The following GYS2 variants were observed in gnomAD, a reference collection of about 807,000 sequenced individuals.
GYS2 encodes glycogen [starch] synthase, liver.
In GYS2, 80 loss-of-function variants were observed where a neutral mutation model predicts 85.6. The ratio of observed to expected loss-of-function variants is 0.93; its 90% CI spans 0.78 to 1.13. The LOEUF (loss-of-function observed/expected upper bound fraction) is 1.13. Ranked by LOEUF, GYS2 falls within the 50% of genes most tolerant of loss-of-function variation. The pLI is 0.00. For missense variants in GYS2, 881 were observed against 854.9 expected (o/e 1.03, Z -0.38); for synonymous variants, 328 against 300.7 (o/e 1.09, Z -0.94).
intron 2 of GYS2, among the ~76,000 whole-genome samples, chr12:21,577,302 C>G (rs1363469856): frequency 1.3e-5 from 2 of 152,150 alleles, no homozygotes; most frequent in Admixed American, 1.3e-4. Flanking sequence ...ATAATATTTA[C>G]TGACTGCCTA....
intron 11 of GYS2, among the ~76,000 whole-genome samples, chr12:21,549,397 CAA>C (rs946601215): frequency 2.0e-4 from 30 of 152,284 alleles, no homozygotes; most frequent in African/African-American, 6.0e-4. Context: ...AATACACAAA[CAA>C]GAGCATTCTT....
intron 7 of GYS2, 117 bp from the exon 8 acceptor site, chr12:21,560,609 T>A (rs185683847): frequency 1.2e-4 from 83 of 691,346 alleles, no homozygotes; most frequent in Admixed American, 4.8e-4. Flanking sequence ...AAAGGTATAG[T>A]TATTTATGTT....
chr12:21,583,184 TG>T (rs1356269337), intron 1 of GYS2, among the ~76,000 whole-genome samples: 2 of 151,986 alleles, frequency 1.3e-5, no homozygotes, highest in Admixed American at 1.3e-4. Flanking sequence ...CTGGATTTAT[TG>T]ATGAGACATT....
In GYS2 at chr12:21,563,013, T is replaced by A. The variant is rs751691064; in HGVS notation, c.967A>T (p.Thr323Ser). ...YGHLDFDLEK[T>S]LFLFIAGRYE... is the part of the protein sequence containing the mutation. ...CTCCCAGCAATGAAAAGGAACAAAG[T>A]CTTTTCAAGATCAAAGTCGAGATGA... The change falls in exon 7 of 16, where the codon ACT becomes TCT. Residue 323 changes from threonine to serine, a missense_variant. Physicochemically the swap from Thr to Ser is moderately conservative, Grantham distance 58. Coordinates refer to ENST00000261195, the MANE Select transcript of GYS2 (RefSeq NM_021957.4). 1 of 1,612,302 alleles carries A rather than the reference T, an allele frequency of 6.2e-7. No individual in the cohort carries two copies. The highest frequency in any genetic ancestry group is 2.2e-5 in the East Asian group (1 of 44,806).
chr12:21,574,450 A>G (rs1030448198), intron 3 of GYS2, 124 bp from the exon 4 acceptor site: 3 of 710,370 alleles, frequency 4.2e-6, no homozygotes, highest in African/African-American at 1.8e-5. Context: ...GAGTCGAAAC[A>G]TAAAGCATGA....
At chr12:21,590,670 C>A (rs1385576583) in intron 1 of GYS2, among the ~76,000 whole-genome samples, 1 of 152,102 alleles carries the variant, frequency 6.6e-6, no homozygotes, top group Admixed American at 6.5e-5. Flanking sequence ...GCCTGAAGGC[C>A]AAAGAATCAA....
chr12:21,534,631 G>T (rs545928628), downstream of GYS2, among the ~76,000 whole-genome samples: 1 of 151,804 alleles, frequency 6.6e-6, no homozygotes, highest in Non-Finnish European at 1.5e-5. Flanking sequence ...AAAAAAGAGA[G>T]AAAGAAAGAA....
intron 2 of GYS2, among the ~76,000 whole-genome samples, chr12:21,578,215 T>C (rs1944468094): frequency 6.6e-6 from 1 of 152,206 alleles, no homozygotes; most frequent in Non-Finnish European, 1.5e-5. Context: ...TAACCCTCCA[T>C]TTTGTCCTAC....
Position 21,536,626 on chromosome 12 carries a change from A to T in GYS2, c.*328T>A. Reference sequence around the variant, plus strand: ...CTGCATAAATAGTAAGCAAAGGATTATGATGATCATTTAAAAATAAACAGA... The same window carrying T: ...CTGCATAAATAGTAAGCAAAGGATTTTGATGATCATTTAAAAATAAACAGA... On this transcript the variant is annotated 3_prime_UTR_variant, in exon 16 of 16. Transcript: ENST00000261195. The T allele has an allele frequency of 2.8e-6, 1 of 354,474 alleles. No homozygotes were observed. The highest frequency in any genetic ancestry group is 5.3e-6 in the Non-Finnish European group (1 of 188,560). 22.0% of individuals were successfully genotyped at this position (354,474 alleles called of 1,614,324 possible). A position where few individuals can be genotyped will look rare whatever the true frequency, so the allele number is the denominator to read the frequency against.
At chr12:21,550,058 G>A (rs1158295075) in intron 11 of GYS2, among the ~76,000 whole-genome samples, 1 of 151,882 alleles carries the variant, frequency 6.6e-6, no homozygotes, top group Non-Finnish European at 1.5e-5. Context: ...TTGGCCAGTG[G>A]GAGCTCCTTC....
chr12:21,541,558 G>A (rs1042438543), intron 13 of GYS2, among the ~76,000 whole-genome samples: 1 of 152,060 alleles, frequency 6.6e-6, no homozygotes, highest in Non-Finnish European at 1.5e-5. Context: ...GGCAGCAGAA[G>A]GGATCAAAAT....
At chr12:21,582,624 TATAGATA>T (rs952141364) in intron 1 of GYS2, among the ~76,000 whole-genome samples, 18 of 151,392 alleles carry the variant, frequency 1.2e-4, no homozygotes, top group Non-Finnish European at 2.4e-4. Context: ...TAGATATAGA[TATAGATA>T]TAGATATATA....
intron 1 of GYS2, among the ~76,000 whole-genome samples, chr12:21,599,498 T>G (rs1348319947): frequency 6.6e-6 from 1 of 152,092 alleles, no homozygotes; most frequent in Non-Finnish European, 1.5e-5. Flanking sequence ...TCCAAATATT[T>G]TATATGAAAG....
intron 1 of GYS2, among the ~76,000 whole-genome samples, chr12:21,588,914 C>A (rs1410768278): frequency 1.3e-5 from 2 of 152,202 alleles, no homozygotes; most frequent in Non-Finnish European, 2.9e-5. Flanking sequence ...GTGTGGGAGT[C>A]ACATCTTAGC....
At chr12:21,552,558 T>C (rs1944125211) in intron 11 of GYS2, among the ~76,000 whole-genome samples, 2 of 152,228 alleles carry the variant, frequency 1.3e-5, no homozygotes, top group South Asian at 4.1e-4. Flanking sequence ...TCTGCATTGA[T>C]GGGAGTTTCT....
At chr12:21,600,698 T>G (rs1944746536) in intron 1 of GYS2, among the ~76,000 whole-genome samples, 1 of 152,174 alleles carries the variant, frequency 6.6e-6, no homozygotes, top group Non-Finnish European at 1.5e-5. Flanking sequence ...AAAGTACTTC[T>G]ATATACGTGC....
rs551562381 is a variant in GYS2 at position 21,543,236 on chromosome 12, C to G, written c.1550-645G>C. 4.1e-4 allele frequency among the ~76,000 whole-genome samples: 62 copies of G among 152,214 alleles called. 2 individuals are homozygous for G. In the South Asian group the frequency reaches 0.011, roughly 27 times the overall value. ...ATTTATATTTGATAATGGAATTACC[C>G]TTGGTTGGTGAGTGGAGTTGGATGA... is the stretch of plus-strand genomic sequence containing the variant. On this transcript the variant is annotated intron_variant, in intron 12 of 15. Coordinates refer to ENST00000261195, the MANE Select transcript of GYS2 (RefSeq NM_021957.4).
At chr12:21,565,641 T>C (rs1316255512) in intron 5 of GYS2, among the ~76,000 whole-genome samples, 2 of 150,930 alleles carry the variant, frequency 1.3e-5, no homozygotes, top group Non-Finnish European at 1.5e-5. Flanking sequence ...AATACATGTA[T>C]TATTACATAA....
At chr12:21,572,309 T>C (rs1299224194) in intron 4 of GYS2, among the ~76,000 whole-genome samples, 2 of 152,334 alleles carry the variant, frequency 1.3e-5, no homozygotes, top group East Asian at 3.9e-4. Context: ...AAAGTTTAAT[T>C]ATCTTATTCT....
Sources: allele counts gnomAD v4.1 joint callset (sites outside exome capture counted in the v4.1 genomes callset), GRCh38; gene constraint gnomAD v4.1.1; transcripts MANE v1.5; gene names NCBI Gene and HGNC (gene_info 2026-07-23, HGNC 2026-07-21).